RBFOX1: variants seen among roughly 807,000 people sequenced by gnomAD.
RBFOX1 encodes the protein RNA binding protein fox-1 homolog 1.
In RBFOX1, 8 loss-of-function variants were observed where a neutral mutation model predicts 57.7. The observed-to-expected ratio is 0.14, with a 90% confidence interval of 0.08 to 0.25. RBFOX1 has a LOEUF of 0.25. Ranked by LOEUF, RBFOX1 falls within the 10% of genes least tolerant of loss-of-function variation. The pLI, the probability that RBFOX1 is intolerant of heterozygous loss-of-function variation, is 1.00. For missense variants in RBFOX1, 611 were observed against 548.5 expected (o/e 1.11, Z -1.14); for synonymous variants, 326 against 222.4 (o/e 1.47, Z -4.15).
chr16:7,298,716 A>G (rs572812375), intron 4 of RBFOX1, among the ~76,000 whole-genome samples: 28 of 152,388 alleles, frequency 1.8e-4, no homozygotes, highest in Non-Finnish European at 3.5e-4. Context: ...CCTACAATAA[A>G]CTAAGCTAGG....
intron 3 of RBFOX1, among the ~76,000 whole-genome samples, chr16:6,747,447 T>G (rs1316651161): frequency 7.0e-6 from 1 of 143,334 alleles, no homozygotes; most frequent in Non-Finnish European, 1.5e-5. Context: ...AGTCAGTTAG[T>G]CTGTCTGTCT....
intron 3 of RBFOX1, among the ~76,000 whole-genome samples, chr16:6,754,196 C>A (rs1031850373): frequency 6.6e-6 from 1 of 152,176 alleles, no homozygotes; most frequent in Non-Finnish European, 1.5e-5. Flanking sequence ...CAGGCAGCTA[C>A]AGCTAGGAAA....
chr16:6,686,202 G>C (rs1026461115), intron 3 of RBFOX1, among the ~76,000 whole-genome samples: 1 of 152,152 alleles, frequency 6.6e-6, no homozygotes, highest in Non-Finnish European at 1.5e-5. Context: ...AGGTTTCCAC[G>C]GTTCAGATGT....
chr16:5,301,140 C>T (rs988931146), intron 1 of RBFOX1, among the ~76,000 whole-genome samples: 2 of 152,192 alleles, frequency 1.3e-5, no homozygotes, highest in African/African-American at 4.8e-5. Context: ...GACCAGTTTA[C>T]AGAAAGACCG....
At chr16:6,565,973 C>G (rs899567656) in intron 2 of RBFOX1, among the ~76,000 whole-genome samples, 2 of 152,174 alleles carry the variant, frequency 1.3e-5, no homozygotes, top group Middle Eastern at 3.2e-3. Flanking sequence ...TCATCCTGCA[C>G]TGGCTGGGAG....
chr16:6,828,059 T>G (rs926407611), intron 3 of RBFOX1, among the ~76,000 whole-genome samples: 18 of 152,132 alleles, frequency 1.2e-4, no homozygotes, highest in African/African-American at 4.3e-4. Flanking sequence ...AGAAAATGAT[T>G]AAAAGCCTCT....
At chr16:6,985,022 C>T (rs1415257650) in intron 3 of RBFOX1, among the ~76,000 whole-genome samples, 1 of 148,656 alleles carries the variant, frequency 6.7e-6, no homozygotes, top group Non-Finnish European at 1.5e-5. Flanking sequence ...GGGAAATATC[C>T]TGGCTTTGCT....
intron 4 of RBFOX1, among the ~76,000 whole-genome samples, chr16:7,274,763 C>G (rs79859935): frequency 0.011 from 1,654 of 152,172 alleles, 27 homozygotes; most frequent in African/African-American, 0.037. Context: ...TAGCTCACAT[C>G]AATCTCTGCC....
At chr16:5,927,069 T>A (rs993816562) in intron 4 of RBFOX1, among the ~76,000 whole-genome samples, 1 of 152,238 alleles carries the variant, frequency 6.6e-6, no homozygotes, top group Non-Finnish European at 1.5e-5. Context: ...TTTTGACATA[T>A]TTTTATACCC....
chr16:5,336,559 C>A (rs900397337), intron 1 of RBFOX1, among the ~76,000 whole-genome samples: 1 of 152,190 alleles, frequency 6.6e-6, no homozygotes, highest in Non-Finnish European at 1.5e-5. Context: ...CAACTTGATC[C>A]CTGGTCCTGT....
At chr16:6,215,842 T>A (rs1390446671) in intron 1 of RBFOX1, among the ~76,000 whole-genome samples, 1 of 152,168 alleles carries the variant, frequency 6.6e-6, no homozygotes, top group African/African-American at 2.4e-5. Flanking sequence ...TGAATGTGTT[T>A]ATAACCCAGT....
At chr16:6,941,428 C>G (rs924850977) in intron 3 of RBFOX1, among the ~76,000 whole-genome samples, 1 of 150,938 alleles carries the variant, frequency 6.6e-6, no homozygotes, top group Non-Finnish European at 1.5e-5. Flanking sequence ...TTAGGAAATC[C>G]CTAATTTAAA....
intron 4 of RBFOX1, among the ~76,000 whole-genome samples, chr16:7,207,695 C>T (rs1385597969): frequency 6.6e-6 from 1 of 152,206 alleles, no homozygotes; most frequent in Non-Finnish European, 1.5e-5. Flanking sequence ...AAGAATGCAA[C>T]AACTGTGGAG....
intron 3 of RBFOX1, among the ~76,000 whole-genome samples, chr16:6,758,379 A>C (rs1266559161): frequency 6.6e-6 from 1 of 152,184 alleles, no homozygotes; most frequent in African/African-American, 2.4e-5. Flanking sequence ...ATTATGTTCA[A>C]GAGATTAACC....
chr16:7,218,515 G>A (rs532397192), intron 4 of RBFOX1, among the ~76,000 whole-genome samples: 3 of 152,244 alleles, frequency 2.0e-5, no homozygotes, highest in East Asian at 1.9e-4. Context: ...GTAACTAGGT[G>A]TCACTCTTTT....
Position 7,579,929 on chromosome 16 carries a change from C to G in RBFOX1, c.414+9C>G. 6.2e-7 allele frequency: 1 copy of G among 1,613,778 alleles called. No individual in the cohort carries two copies. The highest frequency in any genetic ancestry group is 8.5e-7 in the Non-Finnish European group (1 of 1,179,756). On this transcript the variant is annotated intron_variant, in intron 6 of 15. Transcript: ENST00000550418. The stretch of plus-strand genomic sequence containing the variant: ...TCAGACAAATGTTTGGTGTAAGTAT[C>G]ACCTTTCTTCCCAGCAGTGCCCGCT...
At chr16:7,566,422 T>C (rs2091701181) in intron 5 of RBFOX1, among the ~76,000 whole-genome samples, 1 of 152,174 alleles carries the variant, frequency 6.6e-6, no homozygotes, top group South Asian at 2.1e-4. Flanking sequence ...CTCTTAGACT[T>C]TCCAGAGCAT....
intron 1 of RBFOX1, among the ~76,000 whole-genome samples, chr16:6,245,947 C>T (rs1229959373): frequency 6.6e-6 from 1 of 152,182 alleles, no homozygotes; most frequent in African/African-American, 2.4e-5. Context: ...CAAACTATTT[C>T]AGTCAAAATA....
chr16:6,484,836 A>G (rs72760955), intron 2 of RBFOX1, among the ~76,000 whole-genome samples: 20,597 of 152,224 alleles, frequency 0.14, 1,752 homozygotes, highest in Middle Eastern at 0.2. Context: ...CACGTAGAAG[A>G]ATTTACTCAT....
Sources: allele counts gnomAD v4.1 joint callset (sites outside exome capture counted in the v4.1 genomes callset), GRCh38; gene constraint gnomAD v4.1.1; transcripts MANE v1.5; gene names NCBI Gene and HGNC (gene_info 2026-07-23, HGNC 2026-07-21).